The following LRMDA variants were observed in gnomAD, a reference collection of about 807,000 sequenced individuals.
LRMDA encodes the protein leucine-rich melanocyte differentiation-associated protein.
In LRMDA, 18 loss-of-function variants were observed where a neutral mutation model predicts 29.8. The observed-to-expected ratio is 0.60, with a 90% CI of 0.42 to 0.90. The LOEUF is 0.90. LRMDA is among the 40% of genes least tolerant of loss of function. The pLI is 0.00. For synonymous variants in LRMDA, 125 were observed against 109.4 expected, an observed-to-expected ratio of 1.14 and a Z score of -0.89; for missense variants, 273 against 273.9, an observed-to-expected ratio of 1.00 and a Z score of 0.02.
At chr10:76,447,078 T>G (rs1191104619) in intron 6 of LRMDA, among the ~76,000 whole-genome samples, 1 of 151,846 alleles carries the variant, frequency 6.6e-6, no homozygotes. Context: ...CCTCATTATG[T>G]CTCAGTGCTG....
intron 2 of LRMDA, among the ~76,000 whole-genome samples, chr10:75,560,954 T>A (rs1362399882): frequency 1.3e-5 from 2 of 151,270 alleles, no homozygotes; most frequent in Admixed American, 6.6e-5. Context: ...TATTGAGGAT[T>A]TTTGCATCAA....
At chr10:76,291,087 C>A (rs1366016994) in intron 5 of LRMDA, among the ~76,000 whole-genome samples, 1 of 152,114 alleles carries the variant, frequency 6.6e-6, no homozygotes, top group Non-Finnish European at 1.5e-5. Context: ...AAAAAGGAAA[C>A]AAGGATTTAT....
At chr10:76,449,493 C>A (rs557386867) in intron 6 of LRMDA, among the ~76,000 whole-genome samples, 12 of 151,904 alleles carry the variant, frequency 7.9e-5, no homozygotes, top group Admixed American at 1.3e-4. Context: ...ATAAAACCAT[C>A]TTTTACATTT....
chr10:75,741,280 T>C (rs757372695), intron 2 of LRMDA, among the ~76,000 whole-genome samples: 1 of 152,108 alleles, frequency 6.6e-6, no homozygotes, highest in African/African-American at 2.4e-5. Context: ...AGGACTGAGG[T>C]CCCTGTTTTC....
chr10:76,177,748 A>T (rs1850967657), intron 5 of LRMDA, among the ~76,000 whole-genome samples: 1 of 152,244 alleles, frequency 6.6e-6, no homozygotes, highest in Non-Finnish European at 1.5e-5. Flanking sequence ...GCCTACATCA[A>T]TGAGGATTGA....
chr10:75,743,328 G>A (rs780047375), intron 2 of LRMDA: 5 of 152,230 alleles, frequency 3.3e-5, no homozygotes, highest in Non-Finnish European at 7.3e-5. Context: ...TCTCTTAGAA[G>A]TGGAGCTGCT....
intron 2 of LRMDA, among the ~76,000 whole-genome samples, chr10:75,578,045 C>A (rs531819784): frequency 6.6e-6 from 1 of 151,762 alleles, no homozygotes; most frequent in Non-Finnish European, 1.5e-5. Context: ...ACAATATTAA[C>A]CTTAAATGTA....
At chr10:76,089,122 A>G (rs753003513) in intron 5 of LRMDA, among the ~76,000 whole-genome samples, 4 of 152,226 alleles carry the variant, frequency 2.6e-5, no homozygotes, top group African/African-American at 9.6e-5. Context: ...ATAGAGTGCT[A>G]TGATACATGA....
intron 6 of LRMDA, among the ~76,000 whole-genome samples, chr10:76,352,433 C>T (rs974408968): frequency 2.0e-5 from 3 of 152,086 alleles, no homozygotes; most frequent in African/African-American, 4.8e-5. Context: ...AACAGCCAAT[C>T]CAATAGCTGA....
At chr10:75,509,296 C>T (rs1336505178) in intron 2 of LRMDA, among the ~76,000 whole-genome samples, 1 of 152,130 alleles carries the variant, frequency 6.6e-6, no homozygotes, top group Non-Finnish European at 1.5e-5. Flanking sequence ...GTGTGTGTAA[C>T]ACTCTTAAGC....
chr10:75,743,131 GGGTGGTAAGAGATGA>G (rs1033527704), intron 2 of LRMDA, among the ~76,000 whole-genome samples: 3 of 152,222 alleles, frequency 2.0e-5, no homozygotes, highest in African/African-American at 7.2e-5. Flanking sequence ...AGCTGGGAGG[GGGTGGTAAGAGATGA>G]GGTGGGAAGG....
intron 6 of LRMDA, among the ~76,000 whole-genome samples, chr10:76,367,038 T>C (rs1841398969): frequency 1.3e-5 from 2 of 152,212 alleles, no homozygotes; most frequent in African/African-American, 4.8e-5. Flanking sequence ...TAATTCTGTT[T>C]ATGTGGGGTA....
At chr10:76,042,443 A>C (rs1429715285) in intron 3 of LRMDA, among the ~76,000 whole-genome samples, 2 of 152,196 alleles carry the variant, frequency 1.3e-5, no homozygotes, top group East Asian at 3.9e-4. Flanking sequence ...GAGCATTCAA[A>C]TGATCCACTT....
intron 5 of LRMDA, among the ~76,000 whole-genome samples, chr10:76,219,619 G>A (rs1279200144): frequency 1.3e-5 from 2 of 152,180 alleles, no homozygotes; most frequent in Non-Finnish European, 2.9e-5. Context: ...CATATAGCAA[G>A]TCCTGAGTGA....
At chr10:75,817,334 C>T (rs10824342) in intron 2 of LRMDA, among the ~76,000 whole-genome samples, 73,912 of 152,006 alleles carry the variant, frequency 0.49, 18,184 homozygotes, top group South Asian at 0.62. Flanking sequence ...GTGAACTCAC[C>T]GATGCTGAAA....
chr10:76,339,624 A>C (rs1841012514), intron 6 of LRMDA, among the ~76,000 whole-genome samples: 1 of 152,120 alleles, frequency 6.6e-6, no homozygotes, highest in Non-Finnish European at 1.5e-5. Flanking sequence ...ACAGATATTT[A>C]AGAAAAAGGT....
At chr10:76,044,228 C>T (rs1046055593) in intron 3 of LRMDA, among the ~76,000 whole-genome samples, 2 of 152,110 alleles carry the variant, frequency 1.3e-5, no homozygotes, top group Non-Finnish European at 2.9e-5. Context: ...TGGAGCAAAC[C>T]ATGAAGGGGA....
At chr10:76,368,148 T>A (rs1301597629) in intron 6 of LRMDA, among the ~76,000 whole-genome samples, 3 of 152,178 alleles carry the variant, frequency 2.0e-5, no homozygotes, top group Non-Finnish European at 4.4e-5. Flanking sequence ...GGATTTGGAT[T>A]TGGTTTGTTC....
At chr10:75,494,447 A>G (rs1169489785) in intron 2 of LRMDA, among the ~76,000 whole-genome samples, 3 of 151,302 alleles carry the variant, frequency 2.0e-5, no homozygotes, top group African/African-American at 7.3e-5. Context: ...ATCAGTTAGA[A>G]TTAGGTTCAA....
Sources: gnomAD v4.1 joint callset for allele counts (sites outside exome capture counted in the v4.1 genomes callset) on GRCh38, gnomAD v4.1.1 for gene constraint, MANE v1.5 for transcripts, NCBI Gene and HGNC (gene_info 2026-07-23, HGNC 2026-07-21) for gene names.